CSMD1: variants seen among roughly 807,000 people sequenced by gnomAD.
CSMD1 encodes CUB and Sushi multiple domains 1.
A neutral mutation model predicts 417.5 loss-of-function variants in CSMD1; 213 were observed. That is an observed-to-expected ratio of 0.51 (90% CI 0.46 to 0.57). The LOEUF (loss-of-function observed/expected upper bound fraction) is 0.57. CSMD1 is among the 20% of genes least tolerant of loss of function. The probability of loss-of-function intolerance (pLI) is 0.00; values close to 1 mark genes in which losing one functional copy is unlikely to be tolerated. For synonymous variants in CSMD1, 2,862 were observed against 1,736.8 expected, an observed-to-expected ratio of 1.65 and a Z score of -16.11; for missense variants, 6,923 against 4,529.7, an observed-to-expected ratio of 1.53 and a Z score of -15.17.
intron 5 of CSMD1, among the ~76,000 whole-genome samples, chr8:3,964,114 GA>G (rs199581074): frequency 6.6e-6 from 1 of 151,866 alleles, no homozygotes; most frequent in South Asian, 2.1e-4. Flanking sequence ...CCTGCTTTCA[GA>G]AAAAAAAGTT....
intron 7 of CSMD1, among the ~76,000 whole-genome samples, chr8:3,658,200 T>G (rs1248553270): frequency 3.3e-5 from 5 of 152,128 alleles, no homozygotes; most frequent in Admixed American, 6.5e-5. Flanking sequence ...TAAACTGTAT[T>G]CAAATATGAC....
intron 3 of CSMD1, among the ~76,000 whole-genome samples, chr8:4,270,146 G>A (rs1563365082): frequency 6.6e-6 from 1 of 152,188 alleles, no homozygotes; most frequent in Non-Finnish European, 1.5e-5. Flanking sequence ...AGGCTGGAAT[G>A]TGGACGAGAG....
intron 5 of CSMD1, among the ~76,000 whole-genome samples, chr8:3,794,008 C>T (rs1487686430): frequency 6.6e-6 from 1 of 152,142 alleles, no homozygotes; most frequent in Non-Finnish European, 1.5e-5. Context: ...CCCTGCTTAT[C>T]CCACGCGTAG....
intron 3 of CSMD1, among the ~76,000 whole-genome samples, chr8:4,061,307 A>G (rs1342961175): frequency 2.0e-5 from 3 of 152,324 alleles, no homozygotes; most frequent in East Asian, 1.9e-4. Flanking sequence ...TCATACAAGA[A>G]TTTCTTTAAC....
At chr8:3,710,413 C>G (rs1029704786) in intron 6 of CSMD1, among the ~76,000 whole-genome samples, 7 of 152,158 alleles carry the variant, frequency 4.6e-5, no homozygotes, top group Admixed American at 3.3e-4. Flanking sequence ...TGGAGACGAT[C>G]AATGCACCAT....
intron 2 of CSMD1, among the ~76,000 whole-genome samples, chr8:4,590,727 G>C (rs1202709946): frequency 6.6e-6 from 1 of 152,062 alleles, no homozygotes; most frequent in Non-Finnish European, 1.5e-5. Flanking sequence ...GTTGTTTGTT[G>C]CTTTTATGCT....
At chr8:3,604,021 C>G (rs147271254) in intron 8 of CSMD1, among the ~76,000 whole-genome samples, 163 of 152,208 alleles carry the variant, frequency 1.1e-3, no homozygotes, top group African/African-American at 3.9e-3. Flanking sequence ...GCCTTACAAC[C>G]TGTAAATGTA....
chr8:2,951,876 T>C (rs1376597863), intron 65 of CSMD1, among the ~76,000 whole-genome samples: 2 of 152,212 alleles, frequency 1.3e-5, no homozygotes, highest in African/African-American at 2.4e-5. Context: ...CTTTATGTAA[T>C]ATATTCCATG....
At chr8:4,658,958 T>G (rs1014776225) in intron 1 of CSMD1, among the ~76,000 whole-genome samples, 1 of 152,168 alleles carries the variant, frequency 6.6e-6, no homozygotes, top group Non-Finnish European at 1.5e-5. Flanking sequence ...AGGATGTGAA[T>G]TGTAATGTCT....
rs577883655 is a variant in CSMD1 at position 4,305,835 on chromosome 8, T to G, written c.415+114118A>C. Among the ~76,000 whole-genome samples the G allele has an allele frequency of 2.2e-4, 33 of 152,282 alleles. 1 individual carries two copies. In the South Asian group the frequency reaches 6.8e-3, roughly 32 times the overall value. On this transcript the variant is annotated intron_variant, in intron 3 of 69. Coordinates refer to ENST00000635120, the MANE Select transcript of CSMD1 (RefSeq NM_033225.6). ...GAAAACAACCTCTCATACTGTAACT[T>G]GCCGATCTTGTATGGATCCCCTTCC...
chr8:4,432,728 C>G (rs1320724387), intron 2 of CSMD1, among the ~76,000 whole-genome samples: 1 of 152,132 alleles, frequency 6.6e-6, no homozygotes, highest in Non-Finnish European at 1.5e-5. Flanking sequence ...CCTGAAAGTT[C>G]ACAGGAGATT....
At chr8:4,527,108 A>C (rs190610399) in intron 2 of CSMD1, among the ~76,000 whole-genome samples, 1 of 152,182 alleles carries the variant, frequency 6.6e-6, no homozygotes, top group African/African-American at 2.4e-5. Flanking sequence ...GAGGATTCTA[A>C]CTTGCTTTTA....
chr8:4,948,897 T>C (rs1808548338), intron 1 of CSMD1, among the ~76,000 whole-genome samples: 1 of 152,178 alleles, frequency 6.6e-6, no homozygotes, highest in Admixed American at 6.5e-5. Context: ...ACCATGTTTT[T>C]ACATAAAAAT....
At chr8:4,703,582 A>G (rs1327712558) in intron 1 of CSMD1, among the ~76,000 whole-genome samples, 1 of 152,232 alleles carries the variant, frequency 6.6e-6, no homozygotes, top group Non-Finnish European at 1.5e-5. Flanking sequence ...AAAAGTAATG[A>G]AAACACTTTG....
chr8:4,016,999 A>C (rs2554599), intron 4 of CSMD1, among the ~76,000 whole-genome samples: 50,113 of 152,098 alleles, frequency 0.33, 9,399 homozygotes, highest in South Asian at 0.47. Flanking sequence ...CAATAACAGA[A>C]ATCATAGAAG....
intron 1 of CSMD1, among the ~76,000 whole-genome samples, chr8:4,902,238 C>T (rs1804924575): frequency 1.3e-5 from 2 of 151,506 alleles, no homozygotes; most frequent in South Asian, 4.2e-4. Flanking sequence ...AGCAAGACTC[C>T]ATCCATTAAA....
intron 1 of CSMD1, among the ~76,000 whole-genome samples, chr8:4,963,462 A>G (rs1434068556): frequency 2.0e-5 from 3 of 152,150 alleles, no homozygotes; most frequent in Admixed American, 2.0e-4. Flanking sequence ...GACCTCCCAA[A>G]GTGCTGGGAT....
intron 49 of CSMD1, among the ~76,000 whole-genome samples, chr8:3,083,875 G>A (rs1398651453): frequency 6.6e-6 from 1 of 151,266 alleles, no homozygotes; most frequent in East Asian, 2.0e-4. Flanking sequence ...GCCCAGGCTG[G>A]CCTGAACTCC....
intron 46 of CSMD1, among the ~76,000 whole-genome samples, chr8:3,097,851 T>G (rs1440324221): frequency 6.6e-6 from 1 of 152,208 alleles, no homozygotes; most frequent in East Asian, 1.9e-4. Context: ...ATTAGAGACC[T>G]GGTCTCAATC....
Sources: gnomAD v4.1 joint callset for allele counts (sites outside exome capture counted in the v4.1 genomes callset) on GRCh38, gnomAD v4.1.1 for gene constraint, MANE v1.5 for transcripts, NCBI Gene and HGNC (gene_info 2026-07-23, HGNC 2026-07-21) for gene names.